Variants in CNTN5 observed in about 807,000 individuals in gnomAD.
CNTN5 encodes contactin-5.
A neutral mutation model predicts 129.1 loss-of-function variants in CNTN5; 77 were observed. The observed-to-expected ratio is 0.60, with a 90% CI of 0.50 to 0.72. The LOEUF is 0.72. CNTN5 is among the 30% of genes least tolerant of loss of function. The pLI is 0.00. For missense variants in CNTN5, 1,478 were observed against 1,328.8 expected (o/e 1.11, Z -1.75); for synonymous variants, 509 against 465.6 (o/e 1.09, Z -1.20).
intron 4 of CNTN5, among the ~76,000 whole-genome samples, chr11:99,835,323 C>T (rs1947268358): frequency 6.6e-6 from 1 of 152,130 alleles, no homozygotes; most frequent in Admixed American, 6.5e-5. Flanking sequence ...GGATTTTTAA[C>T]TGTGGTTGTG....
chr11:99,826,866 A>T (rs1371793540), intron 4 of CNTN5, among the ~76,000 whole-genome samples: 1 of 152,184 alleles, frequency 6.6e-6, no homozygotes, highest in Non-Finnish European at 1.5e-5. Context: ...AAATAATAAT[A>T]AAGTCTCTCT....
Position 99,394,365 on chromosome 11 carries a change from G to T in CNTN5, c.-71+68881G>T, listed in dbSNP as rs1287712343. On this transcript the variant is annotated intron_variant, in intron 2 of 24. Coordinates refer to ENST00000524871, the MANE Select transcript of CNTN5 (RefSeq NM_014361.4). ...CTTTGTAACATTACAACAAACAAAAGAATTACCTCAAACTCACATTAAAAT... is the reference window on the plus strand; with the variant it reads ...CTTTGTAACATTACAACAAACAAAATAATTACCTCAAACTCACATTAAAAT... Among the ~76,000 whole-genome samples, 6 of 151,366 alleles carry T rather than the reference G, an allele frequency of 4.0e-5. No individual in the cohort carries two copies. The East Asian group carries it at 9.7e-4, about 24-fold the overall frequency.
intron 1 of CNTN5, among the ~76,000 whole-genome samples, chr11:99,092,384 C>T (rs1167294492): frequency 6.6e-6 from 1 of 151,976 alleles, no homozygotes; most frequent in Admixed American, 6.6e-5. Context: ...TTATATATGA[C>T]AACAGTAGTT....
chr11:100,070,502 C>T lies in CNTN5; in HGVS notation c.1241C>T (p.Thr414Ile), dbSNP rs776340426. ...CCTCTCCGATGGGAATGTAAGGCTA[C>T]TGGAAAACCCAGACCCACGTATCGT... The part of the protein sequence containing the change: ...GSPLRWECKA[T>I]GKPRPTYRWL... Residue 414 changes from threonine to isoleucine, a missense_variant, in exon 11 of 25, where the codon ACT (threonine) becomes ATT (isoleucine). By Grantham distance (89) the Thr-to-Ile change is moderately conservative. Transcript: ENST00000524871. The T allele has an allele frequency of 6.2e-7, 1 of 1,613,130 alleles. No homozygotes were observed. Among genetic ancestry groups the T allele is most frequent in the Admixed American group, 1.7e-5 (1 of 59,910 alleles).
At chr11:99,132,752 A>T (rs1394371481) in intron 1 of CNTN5, among the ~76,000 whole-genome samples, 1 of 152,226 alleles carries the variant, frequency 6.6e-6, no homozygotes, top group Non-Finnish European at 1.5e-5. Flanking sequence ...AGGAAATCAG[A>T]GAGGACACAA....
intron 15 of CNTN5, among the ~76,000 whole-genome samples, chr11:100,196,598 A>G (rs919218709): frequency 2.0e-5 from 3 of 152,068 alleles, no homozygotes; most frequent in Non-Finnish European, 2.9e-5. Context: ...CAGGCTAAAA[A>G]ATAATAGTAT....
intron 1 of CNTN5, among the ~76,000 whole-genome samples, chr11:99,195,169 G>A (rs534668443): frequency 3.5e-4 from 53 of 152,124 alleles, no homozygotes; most frequent in African/African-American, 1.3e-3. Flanking sequence ...TTTGCATTTT[G>A]ATTATTTTTA....
intron 1 of CNTN5, among the ~76,000 whole-genome samples, chr11:99,255,424 A>G (rs1862328696): frequency 6.6e-6 from 1 of 151,646 alleles, no homozygotes; most frequent in Non-Finnish European, 1.5e-5. Flanking sequence ...AAGTGAAGAA[A>G]GCTTTTACCA....
chr11:100,268,147 G>C (rs1950341393), intron 17 of CNTN5, among the ~76,000 whole-genome samples: 1 of 152,164 alleles, frequency 6.6e-6, no homozygotes, highest in South Asian at 2.1e-4. Context: ...AATTGGAACA[G>C]ATTGGGTAGG....
intron 1 of CNTN5, among the ~76,000 whole-genome samples, chr11:99,071,116 T>A (rs1865323711): frequency 6.6e-6 from 1 of 152,264 alleles, no homozygotes; most frequent in South Asian, 2.1e-4. Flanking sequence ...CTCAGGGTTA[T>A]ATTCATGATC....
intron 3 of CNTN5, among the ~76,000 whole-genome samples, chr11:99,619,887 A>G (rs572301276): frequency 0.011 from 1,675 of 151,836 alleles, 37 homozygotes; most frequent in African/African-American, 0.036. Flanking sequence ...TTAGCCGGGC[A>G]TGGTGGCGGG....
intron 2 of CNTN5, among the ~76,000 whole-genome samples, chr11:99,347,260 T>A (rs1241781170): frequency 6.6e-6 from 1 of 152,118 alleles, no homozygotes; most frequent in Non-Finnish European, 1.5e-5. Flanking sequence ...TCTAGGAAAA[T>A]CTCTGCCTTT....
intron 1 of CNTN5, among the ~76,000 whole-genome samples, chr11:99,262,113 G>T (rs909062883): frequency 1.3e-5 from 2 of 151,996 alleles, no homozygotes; most frequent in African/African-American, 4.8e-5. Flanking sequence ...TTTAAGCAGG[G>T]ATTAAACTGT....
chr11:99,367,253 C>T (rs1939510575), intron 2 of CNTN5, among the ~76,000 whole-genome samples: 1 of 152,090 alleles, frequency 6.6e-6, no homozygotes, highest in South Asian at 2.1e-4. Flanking sequence ...TCAAACAATT[C>T]ATAATTATGC....
At chr11:99,078,429 A>G (rs1865663921) in intron 1 of CNTN5, among the ~76,000 whole-genome samples, 1 of 152,224 alleles carries the variant, frequency 6.6e-6, no homozygotes, top group African/African-American at 2.4e-5. Context: ...TCTGCTAGGT[A>G]TGTACCCCAA....
intron 3 of CNTN5, among the ~76,000 whole-genome samples, chr11:99,698,925 A>G (rs1055088741): frequency 6.6e-6 from 1 of 151,290 alleles, no homozygotes; most frequent in Non-Finnish European, 1.5e-5. Flanking sequence ...AAAAAAAAAA[A>G]AAAACTTGAT....
chr11:100,351,921 G>A (rs550565552), intron 24 of CNTN5, among the ~76,000 whole-genome samples: 1 of 150,652 alleles, frequency 6.6e-6, no homozygotes, highest in African/African-American at 2.4e-5. Flanking sequence ...TTTTTTTTAT[G>A]CCACCAAGTG....
chr11:100,234,792 T>TAAAAAAAAAAAAAA (rs781363668), intron 16 of CNTN5, among the ~76,000 whole-genome samples: 1 of 102,066 alleles, frequency 9.8e-6, no homozygotes, highest in Non-Finnish European at 1.9e-5. Context: ...TCCCAGAATT[T>TAAAAAAAAAAAAAA]AAAAAAAAAA....
chr11:99,439,838 A>G (rs1943756021), intron 2 of CNTN5, among the ~76,000 whole-genome samples: 1 of 152,164 alleles, frequency 6.6e-6, no homozygotes, highest in Non-Finnish European at 1.5e-5. Context: ...TAAGATTCAC[A>G]AATCAATTTA....
Sources: gnomAD v4.1 joint callset for allele counts (sites outside exome capture counted in the v4.1 genomes callset) on GRCh38, gnomAD v4.1.1 for gene constraint, MANE v1.5 for transcripts, NCBI Gene and HGNC (gene_info 2026-07-23, HGNC 2026-07-21) for gene names.